The following ADAMTS12 variants were observed in gnomAD, a reference collection of about 807,000 sequenced individuals.
ADAMTS12 encodes the protein ADAM metallopeptidase with thrombospondin type 1 motif 12.
In ADAMTS12, 118 loss-of-function variants were observed where a neutral mutation model predicts 167.8. The ratio of observed to expected loss-of-function variants is 0.70; its 90% CI spans 0.61 to 0.82. The LOEUF is 0.82. ADAMTS12 is among the 40% of genes least tolerant of loss of function. The pLI is 0.00. For missense variants in ADAMTS12, 1,916 were observed against 1,998.8 expected, an observed-to-expected ratio of 0.96 and a Z score of 0.79; for synonymous variants, 704 against 716.9, an observed-to-expected ratio of 0.98 and a Z score of 0.29.
At chr5:33,545,055 C>T (rs1256114939) in intron 22 of ADAMTS12, among the ~76,000 whole-genome samples, 1 of 152,106 alleles carries the variant, frequency 6.6e-6, no homozygotes, top group Non-Finnish European at 1.5e-5. Flanking sequence ...AACAAAACAC[C>T]ATCAGAGTGA....
intron 14 of ADAMTS12, among the ~76,000 whole-genome samples, chr5:33,616,904 C>T (rs1431268181): frequency 6.6e-6 from 1 of 152,166 alleles, no homozygotes; most frequent in African/African-American, 2.4e-5. Context: ...CAGTGTTTGC[C>T]AAGCTCTATG....
At chr5:33,528,626 G>T (rs1743936977) in intron 23 of ADAMTS12, among the ~76,000 whole-genome samples, 1 of 152,214 alleles carries the variant, frequency 6.6e-6, no homozygotes, top group African/African-American at 2.4e-5. Context: ...TGAAGAACTT[G>T]TATAAGGTTG....
chr5:33,821,581 T>C (rs1747868742), intron 2 of ADAMTS12, among the ~76,000 whole-genome samples: 2 of 152,212 alleles, frequency 1.3e-5, no homozygotes, highest in South Asian at 4.1e-4. Flanking sequence ...CTTGTCACGA[T>C]CTTTTCCAAC....
chr5:33,526,947 G>A lies in ADAMTS12; in HGVS notation c.*241C>T, dbSNP rs1743846550. On this transcript the variant is annotated 3_prime_UTR_variant, in exon 24 of 24. Transcript: ENST00000504830. ...GCACCTTTCCCAGGAGCCGATACCA[G>A]GTGCTGCCTGATTCTCCTAGCTATT... The A allele has an allele frequency of 4.1e-6, 2 of 487,094 alleles. No homozygotes were observed. Among genetic ancestry groups the A allele is most frequent in the Non-Finnish European group, 7.3e-6 (2 of 274,488 alleles). 30.2% of individuals were successfully genotyped at this position (487,094 alleles called of 1,614,324 possible).
intron 3 of ADAMTS12, among the ~76,000 whole-genome samples, chr5:33,750,575 T>G (rs775664818): frequency 1.3e-5 from 2 of 152,200 alleles, no homozygotes; most frequent in Non-Finnish European, 2.9e-5. Flanking sequence ...TGTTAGGGAT[T>G]CCTTTTGTTA....
At chr5:33,791,490 G>GACT (rs1410465823) in intron 2 of ADAMTS12, among the ~76,000 whole-genome samples, 1 of 151,982 alleles carries the variant, frequency 6.6e-6, no homozygotes, top group Admixed American at 6.5e-5. Flanking sequence ...CAAAAACAAG[G>GACT]ACTACTAAAT....
intron 6 of ADAMTS12, among the ~76,000 whole-genome samples, chr5:33,659,794 A>G (rs973431811): frequency 6.6e-6 from 1 of 152,178 alleles, no homozygotes; most frequent in Non-Finnish European, 1.5e-5. Context: ...TTCTGTAGAG[A>G]ACTCTGTTAA....
At chr5:33,647,769 G>A (rs2112187859) in intron 9 of ADAMTS12, among the ~76,000 whole-genome samples, 1 of 152,238 alleles carries the variant, frequency 6.6e-6, no homozygotes, top group South Asian at 2.1e-4. Context: ...TTAGGAGGCA[G>A]AATTGGCATA....
chr5:33,654,154 A>T (rs1205545971), intron 7 of ADAMTS12, among the ~76,000 whole-genome samples: 1 of 150,988 alleles, frequency 6.6e-6, no homozygotes, highest in Admixed American at 6.6e-5. Flanking sequence ...TACATGTTTG[A>T]CTCTTCTTCA....
chr5:33,595,893 G>A (rs1455752426), intron 17 of ADAMTS12, 41 bp downstream of exon 17: 2 of 1,611,826 alleles, frequency 1.2e-6, no homozygotes, highest in Admixed American at 1.7e-5. Context: ...AGACATCACT[G>A]TAGGCAGACA....
In ADAMTS12 at chr5:33,658,244, T is replaced by C. The variant is rs1189466376; in HGVS notation, c.1130A>G (p.Asn377Ser). Reference protein sequence around the residue: ...SGMCQPHRSCNINEDSGLPLA... With the variant: ...SGMCQPHRSCSINEDSGLPLA... The stretch of plus-strand genomic sequence containing the variant: ...AGGGAGTCCCGAATCTTCATTGATG[T>C]TACAACTGCGGTGAGGCTGACACAT... Residue 377 changes from asparagine (N) to serine (S), a missense_variant, in exon 7 of 24, where the codon AAC (asparagine) becomes AGC (serine). Transcript: ENST00000504830. 1 of 1,613,630 alleles carries C rather than the reference T, an allele frequency of 6.2e-7. No homozygotes were observed. The highest frequency in any genetic ancestry group is 1.7e-5 in the Admixed American group (1 of 59,954).
chr5:33,810,229 T>G (rs1305996817), intron 2 of ADAMTS12, among the ~76,000 whole-genome samples: 1 of 152,106 alleles, frequency 6.6e-6, no homozygotes, highest in African/African-American at 2.4e-5. Context: ...AAAATAGGCC[T>G]GTAAAAATAA....
intron 3 of ADAMTS12, among the ~76,000 whole-genome samples, chr5:33,716,504 G>A (rs935566191): frequency 6.6e-6 from 1 of 151,912 alleles, no homozygotes; most frequent in Non-Finnish European, 1.5e-5. Context: ...TTATTGCAGT[G>A]CTTATTTTGG....
intron 16 of ADAMTS12, chr5:33,603,654 G>A (rs9292502): frequency 0.56 from 84,471 of 151,952 alleles, 23,587 homozygotes; most frequent in Middle Eastern, 0.63. Flanking sequence ...ACTGTGGAAA[G>A]TCGGCTGGCT....
chr5:33,678,065 T>C lies in ADAMTS12; in HGVS notation c.915+4953A>G, dbSNP rs75680193. Among the ~76,000 whole-genome samples the C allele has an allele frequency of 6.9e-4, 105 of 151,648 alleles. 3 individuals carry two copies. The East Asian group carries it at 0.017, about 24-fold the overall frequency. On this transcript the variant is annotated intron_variant, in intron 5 of 23. Transcript: ENST00000504830. The stretch of plus-strand genomic sequence containing the variant: ...TTATTTAGAATAAGAACGACAAGAG[T>C]GATAGAAAGTCACTGATAAAAGGAA...
intron 19 of ADAMTS12, among the ~76,000 whole-genome samples, chr5:33,569,380 G>A (rs1746189056): frequency 6.6e-6 from 1 of 152,196 alleles, no homozygotes; most frequent in South Asian, 2.1e-4. Context: ...ACACGGTCAG[G>A]TACTCCTCTG....
chr5:33,698,684 T>A (rs2112292492), intron 3 of ADAMTS12, among the ~76,000 whole-genome samples: 1 of 152,196 alleles, frequency 6.6e-6, no homozygotes, highest in East Asian at 1.9e-4. Context: ...ACACCTTTAA[T>A]TCCAGCACTT....
intron 3 of ADAMTS12, among the ~76,000 whole-genome samples, chr5:33,730,289 G>GGGTGTGTGTGT (rs1554038433): frequency 6.9e-6 from 1 of 144,154 alleles, no homozygotes. Flanking sequence ...AGTCCATTAG[G>GGGTGTGTGTGT]GTGTGTGTGT....
rs532440340 is a variant in ADAMTS12, at chr5:33,616,099, A to G, written c.2144-27T>C. The G allele has an allele frequency of 7.4e-6, 12 of 1,610,780 alleles. No homozygotes were observed. In the Admixed American group the frequency reaches 1.8e-4, roughly 25 times the overall value. On this transcript the variant is annotated intron_variant, in intron 14 of 23. Transcript: ENST00000504830. Reference sequence around the variant, plus strand: ...TAAAGAGAGAAGACACAATCATGAAAGAGGCACGCCAGCTTCTCAGCTGAA... The same window carrying G: ...TAAAGAGAGAAGACACAATCATGAAGGAGGCACGCCAGCTTCTCAGCTGAA...
Sources: allele counts gnomAD v4.1 joint callset (sites outside exome capture counted in the v4.1 genomes callset), GRCh38; gene constraint gnomAD v4.1.1; transcripts MANE v1.5; gene names NCBI Gene and HGNC (gene_info 2026-07-23, HGNC 2026-07-21).